XKR3: variants seen among roughly 807,000 people sequenced by gnomAD.
XKR3 encodes the protein XK related 3, also known as XK-related protein 3.
Under a neutral mutation model 40.3 loss-of-function variants are expected in XKR3, and 27 were observed. The observed-to-expected ratio is 0.67, with a 90% CI of 0.49 to 0.92. The LOEUF (loss-of-function observed/expected upper bound fraction) is 0.92, where lower values mean the gene tolerates loss of function less well. XKR3 is among the 40% of genes least tolerant of loss of function. The pLI is 0.00. For synonymous variants in XKR3, 193 were observed against 195.4 expected, an observed-to-expected ratio of 0.99 and a Z score of 0.10; for missense variants, 472 against 537.6, an observed-to-expected ratio of 0.88 and a Z score of 1.21.
rs528071823 is a variant in XKR3, at chr22:16,799,413, CAAAAAAAA to C, written c.589+350_589+357del. Among the ~76,000 whole-genome samples the C allele has an allele frequency of 2.2e-3, 71 of 32,540 alleles. 3 individuals are homozygous for C. The highest frequency in any genetic ancestry group is 9.7e-3 in the African/African-American group (63 of 6,492). 21.3% of individuals were successfully genotyped at this position (32,540 alleles called of 152,430 possible). On this transcript the variant is annotated intron_variant, in intron 3 of 3. Coordinates refer to ENST00000684488, the MANE Select transcript of XKR3 (RefSeq NM_001386955.1). ...TGGGCGACAAAGTGAGACTATGTCT[CAAAAAAAA>C]AAAAAAAAAAAAAGCAATGCTGTTT...
At chr22:16,819,665 TA>T (rs1227361268) in intron 1 of XKR3, among the ~76,000 whole-genome samples, 1 of 151,934 alleles carries the variant, frequency 6.6e-6, no homozygotes, top group Non-Finnish European at 1.5e-5. Context: ...TAGGAAACTT[TA>T]AAAAATAATA....
chr22:16,819,179 T>C (rs2060245902), intron 1 of XKR3, among the ~76,000 whole-genome samples: 1 of 152,158 alleles, frequency 6.6e-6, no homozygotes, highest in South Asian at 2.1e-4. Context: ...TGTTAATGTA[T>C]TGGAAGACTC....
chr22:16,804,437 C>T (rs984208587), intron 2 of XKR3, among the ~76,000 whole-genome samples: 1 of 152,008 alleles, frequency 6.6e-6, no homozygotes, highest in Non-Finnish European at 1.5e-5. Flanking sequence ...TTGAAATGGC[C>T]CTACAAAGCT....
chr22:16,822,082 C>A (rs5994030), intron 1 of XKR3, among the ~76,000 whole-genome samples: 91,111 of 151,902 alleles, frequency 0.6, 27,431 homozygotes, highest in African/African-American at 0.61. Context: ...ATGACAAAAA[C>A]TGAAAATGGC....
intron 3 of XKR3, among the ~76,000 whole-genome samples, chr22:16,789,545 T>C: frequency 6.6e-6 from 1 of 152,198 alleles, no homozygotes; most frequent in East Asian, 1.9e-4. Flanking sequence ...AATGGAAAGA[T>C]ATCTATGCTA....
Position 16,799,926 on chromosome 22 carries a change from A to G in XKR3, c.434T>C (p.Leu145Pro). Reference sequence around the variant, plus strand: ...GATTGAGAATGCAATCTCCCTTTCCAGCATCGTGTTTCTCTTTGTGATGCT... The same window carrying G: ...GATTGAGAATGCAATCTCCCTTTCCGGCATCGTGTTTCTCTTTGTGATGCT... ...QVSITKRNTM[L>P]EREIAFSIRD... is the part of the protein sequence containing the mutation. Residue 145 changes from leucine to proline, a missense_variant, in exon 3 of 4, where the codon CTG (leucine) becomes CCG (proline). By Grantham distance (98) the Leu-to-Pro change is moderately conservative. Transcript: ENST00000684488. 1.2e-6 allele frequency: 2 copies of G among 1,614,104 alleles called. No individual in the cohort carries two copies. Among genetic ancestry groups the G allele is most frequent in the Non-Finnish European group, 1.7e-6 (2 of 1,180,006 alleles).
chr22:16,788,444 ACT>A, intron 3 of XKR3, among the ~76,000 whole-genome samples: 1 of 152,146 alleles, frequency 6.6e-6, no homozygotes. Context: ...AGATGTCATA[ACT>A]GACACCCAGA....
chr22:16,811,061 A>G (rs1285638830), intron 1 of XKR3, among the ~76,000 whole-genome samples: 2 of 152,018 alleles, frequency 1.3e-5, no homozygotes, highest in Admixed American at 6.6e-5. Context: ...AACTGTGGAA[A>G]ACAATACGTG....
At chr22:16,788,148 A>G (rs1175758877) in intron 3 of XKR3, among the ~76,000 whole-genome samples, 2 of 152,190 alleles carry the variant, frequency 1.3e-5, no homozygotes, top group African/African-American at 4.8e-5. Context: ...TTCTAATATC[A>G]CTAATTCATA....
chr22:16,807,138 A>G (rs2060192750), intron 2 of XKR3, among the ~76,000 whole-genome samples: 1 of 152,216 alleles, frequency 6.6e-6, no homozygotes, highest in Admixed American at 6.5e-5. Context: ...GTTTATTCAC[A>G]TATATAGTAA....
At chr22:16,824,908 T>C (rs1156547321) in intron 1 of XKR3, among the ~76,000 whole-genome samples, 2 of 152,212 alleles carry the variant, frequency 1.3e-5, no homozygotes, top group Admixed American at 1.3e-4. Flanking sequence ...ACAATGGAAT[T>C]TAGGCATGTG....
intron 2 of XKR3, among the ~76,000 whole-genome samples, chr22:16,805,736 T>C (rs2060186871): frequency 1.3e-5 from 2 of 152,182 alleles, no homozygotes; most frequent in African/African-American, 4.8e-5. Context: ...TAATAAGAAT[T>C]AATACATAGA....
rs2060145079 is a variant in XKR3, at chr22:16,797,245, T to G, written c.589+2526A>C. 1.3e-5 allele frequency among the ~76,000 whole-genome samples: 2 copies of G among 152,216 alleles called. 1 individual carries two copies. The highest frequency in any genetic ancestry group is 1.3e-4 in the Admixed American group (2 of 15,280). On this transcript the variant is annotated intron_variant, in intron 3 of 3. Coordinates refer to ENST00000684488, the MANE Select transcript of XKR3 (RefSeq NM_001386955.1). ...GAAAATAACCTAGGAAGCATTATTT[T>G]AAACACTGATAGTGGCAAAAAATTT...
chr22:16,790,709 G>A (rs2060112010), intron 3 of XKR3, among the ~76,000 whole-genome samples: 1 of 151,780 alleles, frequency 6.6e-6, no homozygotes, highest in Non-Finnish European at 1.5e-5. Context: ...TAAAATAGAA[G>A]TTAAATTTTA....
chr22:16,796,025 T>C (rs1412298253), intron 3 of XKR3, among the ~76,000 whole-genome samples: 1 of 152,064 alleles, frequency 6.6e-6, no homozygotes, highest in African/African-American at 2.4e-5. Context: ...AGGCTATATA[T>C]GACTGATCCC....
At chr22:16,814,932 C>CT (rs552626478) in intron 1 of XKR3, among the ~76,000 whole-genome samples, 67 of 144,488 alleles carry the variant, frequency 4.6e-4, no homozygotes, top group African/African-American at 1.0e-3. Context: ...ATTTAGATGG[C>CT]TTTTTTTTTT....
At position 16,799,908 on chromosome 22, in the gene XKR3, A is replaced by G. The variant is rs760460948; in HGVS notation, c.452T>C (p.Phe151Ser). 1 of 1,614,094 alleles carries G rather than the reference A, an allele frequency of 6.2e-7. No individual in the cohort carries two copies. Residue 151 changes from phenylalanine to serine, a missense_variant, in exon 3 of 4, where the codon TTC becomes TCC. Transcript: ENST00000684488. ...CTGCATGAAATTATCCCGGATTGAG[A>G]ATGCAATCTCCCTTTCCAGCATCGT... ...RNTMLEREIA[F>S]SIRDNFMQQK...
intron 2 of XKR3, among the ~76,000 whole-genome samples, chr22:16,804,139 A>T (rs755050449): frequency 1.3e-5 from 2 of 152,092 alleles, no homozygotes; most frequent in African/African-American, 2.4e-5. Context: ...CACTCAACAA[A>T]CAGTACTTTC....
intron 3 of XKR3, among the ~76,000 whole-genome samples, chr22:16,798,477 T>C (rs1368496565): frequency 2.0e-5 from 3 of 152,210 alleles, no homozygotes; most frequent in African/African-American, 7.2e-5. Flanking sequence ...AGTGGGTATG[T>C]ACCCAAAGGA....
Sources: allele counts gnomAD v4.1 joint callset (sites outside exome capture counted in the v4.1 genomes callset), GRCh38; gene constraint gnomAD v4.1.1; transcripts MANE v1.5; gene names NCBI Gene and HGNC (gene_info 2026-07-23, HGNC 2026-07-21).